The following EWSR1 variants were observed in gnomAD, a reference collection of about 807,000 sequenced individuals.
EWSR1 encodes the protein RNA-binding protein EWS.
EWSR1 carries 14 observed loss-of-function variants against 92.1 expected under a neutral mutation model. The observed-to-expected ratio is 0.15, with a 90% confidence interval of 0.10 to 0.24. EWSR1 has a LOEUF of 0.24. EWSR1 is among the 10% of genes least tolerant of loss of function. EWSR1 has a pLI of 1.00. For synonymous variants in EWSR1, 303 were observed against 292.9 expected (o/e 1.03, Z -0.35); for missense variants, 637 against 870.9 (o/e 0.73, Z 3.38).
At chr22:29,269,537 A>T (rs1021246560) in intron 1 of EWSR1, 1 of 152,246 alleles carries the variant, frequency 6.6e-6, no homozygotes, top group Non-Finnish European at 1.5e-5. Context: ...TCCAGGCCTT[A>T]GAGACAGTGG....
At chr22:29,288,041 A>G (rs35642307) in intron 7 of EWSR1, among the ~76,000 whole-genome samples, 257 of 152,330 alleles carry the variant, frequency 1.7e-3, no homozygotes, top group African/African-American at 6.0e-3. Flanking sequence ...CTTTAAGAAA[A>G]TAGAAAAGGA....
In EWSR1 at chr22:29,295,105, G is replaced by T. The variant is rs571776241; in HGVS notation, c.1165-1134G>T. Among the ~76,000 whole-genome samples, 4 of 151,538 alleles carry T rather than the reference G, an allele frequency of 2.6e-5. No homozygotes were observed. In the South Asian group the frequency reaches 8.4e-4, roughly 32 times the overall value. On this transcript the variant is annotated intron_variant, in intron 11 of 16. Coordinates refer to ENST00000397938, the MANE Select transcript of EWSR1 (RefSeq NM_005243.4). ...TTTTGAGATGGAGTCTTGCTCTGTT[G>T]CCCAGACTGGAGTGCAGTGGCACAA...
At position 29,286,950 on chromosome 22, in the gene EWSR1, T is replaced by C. The variant is rs770038359; in HGVS notation, c.609T>C (p.Tyr203=). ...ATTCCTCTACACAGCCGACTAGTTA[T>C]GATCAGAGCAGTTACTCTCAGCAGA... ...TSYSSTQPTS[Y]DQSSYSQQNT... The change falls in exon 7 of 17, where the codon TAT becomes TAC. Residue 203 remains tyrosine (Y), a synonymous_variant. Transcript: ENST00000397938. 29 of 1,613,564 alleles carry C rather than the reference T, an allele frequency of 1.8e-5. 1 individual carries two copies. In the South Asian group the frequency reaches 2.5e-4, roughly 14 times the overall value.
intron 11 of EWSR1, among the ~76,000 whole-genome samples, chr22:29,294,010 A>T (rs1158342855): frequency 6.6e-6 from 1 of 151,844 alleles, no homozygotes; most frequent in African/African-American, 2.4e-5. Flanking sequence ...CTGGAATTAC[A>T]GGCGCCTGCC....
intron 12 of EWSR1, among the ~76,000 whole-genome samples, chr22:29,297,208 A>G (rs913842292): frequency 1.3e-5 from 2 of 152,104 alleles, no homozygotes; most frequent in Admixed American, 1.3e-4. Flanking sequence ...GTGCAGTGAC[A>G]CAAGCCATCT....
intron 13 of EWSR1, among the ~76,000 whole-genome samples, chr22:29,298,320 A>G (rs2061028721): frequency 1.3e-5 from 2 of 152,174 alleles, no homozygotes; most frequent in African/African-American, 4.8e-5. Context: ...AGCCTGGCCA[A>G]CGTGGTGAAA....
At chr22:29,275,500 A>G (rs2059034241) in intron 4 of EWSR1, 1 of 219,326 alleles carries the variant, frequency 4.6e-6, no homozygotes, top group South Asian at 1.8e-4. Flanking sequence ...TTCACAGTTT[A>G]TAGAGTGGCC....
Position 29,298,742 on chromosome 22 carries a change from GC to G in EWSR1, c.1430del (p.Pro477GlnfsTer149). On this transcript the variant is annotated frameshift_variant, in exon 14 of 17. Transcript: ENST00000397938. LOFTEE classifies it high-confidence loss of function. ...GTTGTTCTTGTTGTAGGTCCAGGAG[GC>G]CCAGGAGGTCCTGGGGGACCCATGG... is the stretch of plus-strand genomic sequence containing the variant. ...MPPPLRGGPGGPGGPGGPMGR... is the reference protein window; with the variant it reads ...MPPPLRGGPGXPGGPGGPMGR... 6.2e-7 allele frequency: 1 copy of G among 1,613,250 alleles called. No homozygotes were observed. Among genetic ancestry groups the G allele is most frequent in the Non-Finnish European group, 8.5e-7 (1 of 1,179,824 alleles).
rs2058762839 is a variant in EWSR1, at chr22:29,272,554, C to T, written c.102+123C>T. ...TGTTTGGAATAGTAAAATACCCAGG[C>T]ATTTTAAACTTTCACAGTGGGAGTG... is the stretch of plus-strand genomic sequence containing the variant. On this transcript the variant is annotated intron_variant, in intron 3 of 16. Coordinates refer to ENST00000397938, the MANE Select transcript of EWSR1 (RefSeq NM_005243.4). 7.9e-6 allele frequency: 8 copies of T among 1,009,114 alleles called. No homozygotes were observed. In the East Asian group the frequency reaches 1.0e-4, roughly 13 times the overall value. The allele number at this position is 1,009,114 out of a possible 1,614,324, so 62.5% of individuals were successfully genotyped here.
At chr22:29,290,580 C>CTTCTGTAACTTGA in intron 8 of EWSR1, 1 of 1,524,254 alleles carries the variant, frequency 6.6e-7, no homozygotes. Flanking sequence ...AAATGGAATC[C>CTTCTGTAACTTGA]TTCTGTAACT....
intron 4 of EWSR1, among the ~76,000 whole-genome samples, chr22:29,274,801 G>A (rs895512688): frequency 1.3e-5 from 2 of 152,112 alleles, no homozygotes; most frequent in African/African-American, 4.8e-5. Context: ...ATTGTATTCC[G>A]ATACTGAGGT....
chr22:29,277,765 C>G (rs537642404), intron 4 of EWSR1: 23 of 422,182 alleles, frequency 5.4e-5, no homozygotes, highest in Non-Finnish European at 9.9e-5. Flanking sequence ...CAGAAGGAAC[C>G]CTGTTTTCTG....
At chr22:29,291,096 C>T (rs1468976270) in intron 8 of EWSR1, 1 of 237,876 alleles carries the variant, frequency 4.2e-6, no homozygotes, top group African/African-American at 2.2e-5. Flanking sequence ...GTGGTTGTCT[C>T]CTGCTTTTAT....
Position 29,286,865 on chromosome 22 carries a change from G to T in EWSR1, c.582-58G>T, listed in dbSNP as rs372750644. ...AATGTCTCTTTTATTCAGGGGATTT[G>T]AAATAACAAGCCTCTTTCTAAAAAA... On this transcript the variant is annotated intron_variant, in intron 6 of 16. Transcript: ENST00000397938. 9 of 1,368,144 alleles carry T rather than the reference G, an allele frequency of 6.6e-6. No homozygotes were observed. The African/African-American group carries it at 8.7e-5, about 13-fold the overall frequency. 84.8% of individuals were successfully genotyped at this position (1,368,144 alleles called of 1,614,324 possible).
intron 1 of EWSR1, among the ~76,000 whole-genome samples, chr22:29,270,415 T>A (rs2058578142): frequency 6.6e-6 from 1 of 152,174 alleles, no homozygotes; most frequent in South Asian, 2.1e-4. Flanking sequence ...TCTGACCAGT[T>A]TGTAATTGTA....
intron 8 of EWSR1, chr22:29,290,918 T>G (rs2060395272): frequency 4.1e-6 from 1 of 242,964 alleles, no homozygotes; most frequent in Non-Finnish European, 8.0e-6. Flanking sequence ...TAGTCATTAT[T>G]CTAACTGATA....
In EWSR1 at chr22:29,298,871, C is replaced by T; in HGVS notation, c.1556C>T (p.Ala519Val). The part of the protein sequence containing the change: ...PSGGGNVQHR[A>V]GDWQCPNPGC... Reference sequence around the variant, plus strand: ...GGAGGAGGAAACGTCCAGCACCGAGCTGGAGACTGGCAGTGTCCCAATCCG... The same window carrying T: ...GGAGGAGGAAACGTCCAGCACCGAGTTGGAGACTGGCAGTGTCCCAATCCG... The change falls in exon 14 of 17, where the codon GCT becomes GTT. Residue 519 changes from alanine (A) to valine (V), a missense_variant. Physicochemically the swap from Ala to Val is moderately conservative, Grantham distance 64. Around this residue, in one of 5 missense-constraint regions of EWSR1, gnomAD observed 363 missense variants for 447.8 expected, o/e 0.81. Transcript: ENST00000397938. The T allele has an allele frequency of 6.4e-7, 1 of 1,561,104 alleles. No homozygotes were observed. The highest frequency in any genetic ancestry group is 8.6e-7 in the Non-Finnish European group (1 of 1,160,798).
intron 11 of EWSR1, among the ~76,000 whole-genome samples, chr22:29,293,222 G>T (rs1298369615): frequency 6.6e-6 from 1 of 151,890 alleles, no homozygotes; most frequent in African/African-American, 2.4e-5. Flanking sequence ...TGGCCGGGCT[G>T]GTCTCTAACT....
chr22:29,291,768 G>C (rs184373943), intron 9 of EWSR1, 169 bp downstream of exon 9: 1 of 629,130 alleles, frequency 1.6e-6, no homozygotes, highest in African/African-American at 1.8e-5. Context: ...TTAACCTATG[G>C]TTACAAAACA....
Sources: gnomAD v4.1 joint callset for allele counts (sites outside exome capture counted in the v4.1 genomes callset) on GRCh38, gnomAD v4.1.1 for gene constraint, gnomAD v4.1.1 regional missense constraint, MANE v1.5 for transcripts, NCBI Gene and HGNC (gene_info 2026-07-23, HGNC 2026-07-21) for gene names.